Variants in SS18L2 observed in about 807,000 individuals in gnomAD.
The protein encoded by SS18L2 is SS18-like protein 2.
A neutral mutation model predicts 10.3 loss-of-function variants in SS18L2; 8 were observed. The observed-to-expected ratio is 0.78, with a 90% CI of 0.46 to 1.41. The LOEUF is 1.41. Among genes scored for constraint, SS18L2 ranks in the 40% most tolerant of loss-of-function variants. SS18L2 has a pLI of 0.00. For synonymous variants in SS18L2, 41 were observed against 34.6 expected (o/e 1.19, Z -0.65); for missense variants, 100 against 96.2 (o/e 1.04, Z -0.17).
rs1705016150 is a variant in SS18L2, at chr3:42,595,994, T to A, written c.*1485T>A. 6.6e-6 allele frequency among the ~76,000 whole-genome samples: 1 copy of A among 152,130 alleles called. No individual in the cohort carries two copies. The highest frequency in any genetic ancestry group is 2.1e-4 in the South Asian group (1 of 4,830). On this transcript the variant is annotated 3_prime_UTR_variant, in exon 3 of 3. Transcript: ENST00000011691. Reference sequence around the variant, plus strand: ...GAGGGCTCTGGCTCTTTCTTTTTTCTTTTTCTTCTTTTTTTTGGTTTTGTT... The same window carrying A: ...GAGGGCTCTGGCTCTTTCTTTTTTCATTTTCTTCTTTTTTTTGGTTTTGTT...
intron 1 of SS18L2, among the ~76,000 whole-genome samples, chr3:42,585,496 T>C (rs935381022): frequency 6.6e-6 from 1 of 152,212 alleles, no homozygotes; most frequent in Non-Finnish European, 1.5e-5. Flanking sequence ...CTGAATTCCT[T>C]TCATGGTTTC....
upstream of SS18L2, among the ~76,000 whole-genome samples, chr3:42,589,530 G>C (rs367632357): frequency 2.6e-5 from 4 of 152,120 alleles, no homozygotes; most frequent in African/African-American, 9.7e-5. Flanking sequence ...ACAGGGGACC[G>C]GTACCGCATA....
upstream of SS18L2, among the ~76,000 whole-genome samples, chr3:42,587,849 T>G (rs1272138826): frequency 6.6e-6 from 1 of 151,674 alleles, no homozygotes; most frequent in Non-Finnish European, 1.5e-5. Flanking sequence ...AGGTGGGTGG[T>G]TCACCTGAGG....
upstream of SS18L2, among the ~76,000 whole-genome samples, chr3:42,586,582 GT>G (rs771842136): frequency 7.9e-5 from 9 of 113,418 alleles, no homozygotes; most frequent in South Asian, 6.6e-4. Flanking sequence ...TTCAGTCACT[GT>G]TTAAAAAAAA....
chr3:42,590,885 G>A lies in SS18L2; in HGVS notation c.-13G>A. 1 of 1,613,556 alleles carries A rather than the reference G, an allele frequency of 6.2e-7. No individual in the cohort carries two copies. The highest frequency in any genetic ancestry group is 1.1e-5 in the South Asian group (1 of 91,074). ...GAGTTGCTTGGCGGTCGTGGTTCCGGAGGTTCCTCGGGATGTCGGTGGCCT... is the reference window on the plus strand; with the variant it reads ...GAGTTGCTTGGCGGTCGTGGTTCCGAAGGTTCCTCGGGATGTCGGTGGCCT... On this transcript the variant is annotated 5_prime_UTR_variant, in exon 1 of 3. Coordinates refer to ENST00000011691, the MANE Select transcript of SS18L2 (RefSeq NM_001370300.1).
At chr3:42,590,327 C>A (rs1704774891), upstream of SS18L2, among the ~76,000 whole-genome samples, 1 of 152,166 alleles carries the variant, frequency 6.6e-6, no homozygotes, top group Non-Finnish European at 1.5e-5. Context: ...GTGCCAGACA[C>A]GCTGGGTGAA....
At chr3:42,589,673 A>G (rs1305840890), upstream of SS18L2, among the ~76,000 whole-genome samples, 2 of 152,172 alleles carry the variant, frequency 1.3e-5, no homozygotes, top group African/African-American at 4.8e-5. Context: ...CTGGACTTGC[A>G]AGAGATCTAG....
At chr3:42,584,079 T>G (rs1704528886) in intron 1 of SS18L2, among the ~76,000 whole-genome samples, 1 of 152,180 alleles carries the variant, frequency 6.6e-6, no homozygotes, top group African/African-American at 2.4e-5. Context: ...TCAGCCTCCA[T>G]AACTATGTGA....
At chr3:42,591,679 G>A in intron 2 of SS18L2, 78 bp downstream of exon 2, 1 of 1,016,418 alleles carries the variant, frequency 9.8e-7, no homozygotes, top group Non-Finnish European at 1.6e-6. Flanking sequence ...CTCGAACTAA[G>A]AGTCTTGGGT....
intron 1 of SS18L2, among the ~76,000 whole-genome samples, chr3:42,583,141 T>C (rs1704486396): frequency 6.6e-6 from 1 of 152,176 alleles, no homozygotes; most frequent in South Asian, 2.1e-4. Flanking sequence ...TTTAGGACCA[T>C]AGAACACTGG....
chr3:42,589,450 T>C (rs1704737366), upstream of SS18L2, among the ~76,000 whole-genome samples: 1 of 152,068 alleles, frequency 6.6e-6, no homozygotes, highest in African/African-American at 2.4e-5. Flanking sequence ...ATCTCCCTCC[T>C]AAATGAAGTG....
chr3:42,590,806 T>G, upstream of SS18L2: 1 of 1,298,858 alleles, frequency 7.7e-7, no homozygotes, highest in South Asian at 1.2e-5. Flanking sequence ...CCCCGCCCTG[T>G]AGGCGGGAGC....
intron 1 of SS18L2, among the ~76,000 whole-genome samples, chr3:42,584,330 C>T (rs1054111005): frequency 6.6e-6 from 1 of 152,218 alleles, no homozygotes; most frequent in African/African-American, 2.4e-5. Context: ...TCTCGGCCCA[C>T]TGCAACCTGC....
chr3:42,594,338 T>C, intron 2 of SS18L2, 84 bp from the exon 3 acceptor site: 3 of 1,040,624 alleles, frequency 2.9e-6, no homozygotes, highest in Non-Finnish European at 4.5e-6. Flanking sequence ...GCCATTCCAC[T>C]AGAGTGGGTA....
At chr3:42,585,894 T>A (rs577596835), upstream of SS18L2, among the ~76,000 whole-genome samples, 18 of 152,060 alleles carry the variant, frequency 1.2e-4, no homozygotes, top group African/African-American at 4.3e-4. Context: ...TCCCCCAAAA[T>A]CAACTTCCAA....
intron 1 of SS18L2, 75 bp from the exon 2 acceptor site, chr3:42,591,449 TC>T (rs1704836896): frequency 1.8e-6 from 2 of 1,089,668 alleles, no homozygotes; most frequent in Non-Finnish European, 2.8e-6. Context: ...TAGATCGGCC[TC>T]CCAAAGGGCC....
At chr3:42,584,382 G>A (rs1019318005) in intron 1 of SS18L2, among the ~76,000 whole-genome samples, 1 of 152,156 alleles carries the variant, frequency 6.6e-6, no homozygotes. Flanking sequence ...AGCCTCCCAA[G>A]TAGCTGGGAT....
rs545008759 is a variant in SS18L2, at chr3:42,594,940, C to T, written c.*431C>T. On this transcript the variant is annotated 3_prime_UTR_variant, in exon 3 of 3. Transcript: ENST00000011691. Reference sequence around the variant, plus strand: ...CTTCCTATCAGTTTGTAAATGTGGTCCCCCTGACTGCTGTTTTCAGATTGC... The same window carrying T: ...CTTCCTATCAGTTTGTAAATGTGGTTCCCCTGACTGCTGTTTTCAGATTGC... 103 of 153,434 alleles carry T rather than the reference C, an allele frequency of 6.7e-4. No individual in the cohort carries two copies. Among genetic ancestry groups the T allele is most frequent in the African/African-American group, 2.4e-3 (101 of 41,564 alleles). The allele number at this position is 153,434 out of a possible 1,614,324, so 9.5% of individuals were successfully genotyped here.
chr3:42,589,987 C>T (rs549692087), upstream of SS18L2, among the ~76,000 whole-genome samples: 2 of 152,286 alleles, frequency 1.3e-5, no homozygotes, highest in Admixed American at 6.5e-5. Context: ...AGTTCTAAAG[C>T]CAGGCTGCCC....
Sources: allele counts gnomAD v4.1 joint callset (sites outside exome capture counted in the v4.1 genomes callset), GRCh38; gene constraint gnomAD v4.1.1; transcripts MANE v1.5; gene names NCBI Gene and HGNC (gene_info 2026-07-23, HGNC 2026-07-21).